Variants in TCF12 observed in about 807,000 individuals in gnomAD.
TCF12 encodes the protein DNA-binding protein HTF4.
In TCF12, 45 loss-of-function variants were observed where a neutral mutation model predicts 86.0. The ratio of observed to expected loss-of-function variants is 0.52; its 90% CI spans 0.41 to 0.67. TCF12 has a LOEUF of 0.67. Among genes scored for constraint, TCF12 ranks in the 30% least tolerant of loss-of-function variants. TCF12 has a pLI of 0.00. For missense variants in TCF12, 881 were observed against 859.9 expected (o/e 1.02, Z -0.31); for synonymous variants, 330 against 299.6 (o/e 1.10, Z -1.05).
At chr15:57,136,684 T>G (rs2052543389) in intron 5 of TCF12, among the ~76,000 whole-genome samples, 1 of 152,190 alleles carries the variant, frequency 6.6e-6, no homozygotes, top group Admixed American at 6.5e-5. Flanking sequence ...AATAGATGTT[T>G]TCTTTTTTTG....
intron 3 of TCF12, among the ~76,000 whole-genome samples, chr15:56,953,828 CA>C (rs535121341): frequency 7.7e-4 from 100 of 129,320 alleles, no homozygotes; most frequent in African/African-American, 3.0e-3. Flanking sequence ...AAAAGTTTAT[CA>C]GTTTTTTTTT....
chr15:57,196,173 A>G (rs1336213156), intron 7 of TCF12, among the ~76,000 whole-genome samples: 1 of 152,168 alleles, frequency 6.6e-6, no homozygotes, highest in African/African-American at 2.4e-5. Flanking sequence ...TAGAAAAAAA[A>G]AAAAATGTAA....
chr15:57,247,178 C>G, intron 13 of TCF12: 1 of 593,332 alleles, frequency 1.7e-6, no homozygotes, highest in South Asian at 1.6e-5. Context: ...TATCCTTGGT[C>G]CATCACCATC....
At chr15:57,080,748 A>G (rs150652590) in intron 4 of TCF12, among the ~76,000 whole-genome samples, 211 of 152,336 alleles carry the variant, frequency 1.4e-3, no homozygotes, top group Non-Finnish European at 2.1e-3. Context: ...ATGGAGTTAC[A>G]TAGCCTTTCC....
intron 3 of TCF12, among the ~76,000 whole-genome samples, chr15:56,951,621 T>C (rs604191): frequency 0.94 from 143,690 of 152,222 alleles, 68,122 homozygotes; most frequent in Non-Finnish European, 0.99. Flanking sequence ...CTTTCCTTAA[T>C]TGGTCACAAA....
At chr15:56,955,571 TA>T (rs1281886390) in intron 3 of TCF12, among the ~76,000 whole-genome samples, 8 of 151,696 alleles carry the variant, frequency 5.3e-5, no homozygotes, top group Admixed American at 2.0e-4. Context: ...TAAATAAAAA[TA>T]AAAAAAAGCA....
chr15:57,274,780 A>G (rs2061303645), intron 19 of TCF12, among the ~76,000 whole-genome samples: 1 of 152,144 alleles, frequency 6.6e-6, no homozygotes, highest in South Asian at 2.1e-4. Context: ...TGTCTGGTCA[A>G]CAGGAGTACC....
intron 5 of TCF12, among the ~76,000 whole-genome samples, chr15:57,132,878 T>C (rs1448735220): frequency 1.3e-5 from 2 of 152,204 alleles, no homozygotes; most frequent in African/African-American, 4.8e-5. Context: ...ATAGCAATGT[T>C]TGCTGAAAAT....
intron 3 of TCF12, among the ~76,000 whole-genome samples, chr15:57,045,519 AT>A (rs375572875): frequency 5.3e-5 from 8 of 151,106 alleles, no homozygotes; most frequent in African/African-American, 1.7e-4. Context: ...CATGTTGAGG[AT>A]TTTTTTTTAT....
chr15:57,247,245 CA>C, intron 13 of TCF12: 1 of 642,264 alleles, frequency 1.6e-6, no homozygotes, highest in Non-Finnish European at 2.9e-6. Flanking sequence ...CCATCACCTC[CA>C]AAACCATTAT....
intron 5 of TCF12, among the ~76,000 whole-genome samples, chr15:57,141,375 G>T (rs1398219187): frequency 1.3e-5 from 2 of 152,104 alleles, no homozygotes; most frequent in African/African-American, 4.8e-5. Context: ...TTGAGATGGG[G>T]TTTAGCTCTT....
At chr15:57,284,293 C>T (rs1262169173) in intron 20 of TCF12, among the ~76,000 whole-genome samples, 2 of 151,948 alleles carry the variant, frequency 1.3e-5, no homozygotes, top group African/African-American at 2.4e-5. Flanking sequence ...CTCCAACTCC[C>T]GCCTCCTGGG....
chr15:57,056,055 C>G (rs1460170795), intron 3 of TCF12, among the ~76,000 whole-genome samples: 4 of 151,656 alleles, frequency 2.6e-5, no homozygotes, highest in East Asian at 3.9e-4. Flanking sequence ...CCTGTTATCT[C>G]CATTTACTCT....
rs369313186 is a variant in TCF12 at position 56,997,196 on chromosome 15, C to G, written c.149-66554C>G. Among the ~76,000 whole-genome samples the G allele has an allele frequency of 2.6e-5, 4 of 152,316 alleles. No homozygotes were observed. The South Asian group carries it at 8.3e-4, about 32-fold the overall frequency. On this transcript the variant is annotated intron_variant, in intron 3 of 20. Transcript: ENST00000333725. ...CCCGTATGTCCATTCTAACACTCTT[C>G]ACAAGAGCAAAGACATGGAATCAAC... is the stretch of plus-strand genomic sequence containing the variant.
At chr15:57,210,092 T>TA in intron 8 of TCF12, among the ~76,000 whole-genome samples, 1 of 152,242 alleles carries the variant, frequency 6.6e-6, no homozygotes, top group South Asian at 2.1e-4. Flanking sequence ...TACAATCTGA[T>TA]ATGGCCTAAT....
chr15:57,239,771 A>G (rs1159012890), intron 12 of TCF12, among the ~76,000 whole-genome samples: 2 of 152,242 alleles, frequency 1.3e-5, no homozygotes, highest in African/African-American at 4.8e-5. Context: ...TATGGTAACC[A>G]TAAGCATGGT....
chr15:57,282,108 C>A, intron 19 of TCF12: 1 of 336,714 alleles, frequency 3.0e-6, no homozygotes, highest in Non-Finnish European at 5.6e-6. Context: ...ATTCAGTGTA[C>A]CGTGTCTTAG....
intron 9 of TCF12, 42 bp from the exon 10 acceptor site, chr15:57,232,249 T>C (rs2059169027): frequency 1.2e-6 from 2 of 1,609,416 alleles, no homozygotes; most frequent in African/African-American, 2.7e-5. Context: ...TACAAGAAAA[T>C]TTTTAGCTAA....
At chr15:57,086,702 C>CT (rs1190297066) in intron 4 of TCF12, among the ~76,000 whole-genome samples, 1 of 41,510 alleles carries the variant, frequency 2.4e-5, no homozygotes, top group African/African-American at 1.0e-4. Flanking sequence ...CTTTCCCTCC[C>CT]TTTAAAAAAA....
Sources: gnomAD v4.1 joint callset for allele counts (sites outside exome capture counted in the v4.1 genomes callset) on GRCh38, gnomAD v4.1.1 for gene constraint, MANE v1.5 for transcripts, NCBI Gene and HGNC (gene_info 2026-07-23, HGNC 2026-07-21) for gene names.